The following ATAD2 variants were observed in gnomAD, a reference collection of about 807,000 sequenced individuals.
The protein encoded by ATAD2 is ATPase family AAA domain-containing protein 2.
In ATAD2, 62 loss-of-function variants were observed where a neutral mutation model predicts 168.9. The observed-to-expected ratio is 0.37, with a 90% CI of 0.30 to 0.45. The LOEUF (loss-of-function observed/expected upper bound fraction) is 0.45. ATAD2 is among the 20% of genes least tolerant of loss of function. ATAD2 has a pLI of 1.00. For synonymous variants in ATAD2, 613 were observed against 571.6 expected, an observed-to-expected ratio of 1.07 and a Z score of -1.03; for missense variants, 1,419 against 1,667.8, an observed-to-expected ratio of 0.85 and a Z score of 2.60.
chr8:123,353,452 T>G (rs1002631052), intron 13 of ATAD2, among the ~76,000 whole-genome samples: 2 of 152,196 alleles, frequency 1.3e-5, no homozygotes, highest in Non-Finnish European at 2.9e-5. Flanking sequence ...TTTTAGGTAT[T>G]TGATATATTT....
intron 13 of ATAD2, among the ~76,000 whole-genome samples, chr8:123,351,773 A>C (rs1828471110): frequency 6.9e-6 from 1 of 143,944 alleles, no homozygotes; most frequent in Non-Finnish European, 1.5e-5. Flanking sequence ...TTTGAGACGG[A>C]GTCTGGCTGT....
At chr8:123,322,115 G>C (rs989828551) in intron 27 of ATAD2, among the ~76,000 whole-genome samples, 2 of 151,532 alleles carry the variant, frequency 1.3e-5, no homozygotes, top group South Asian at 4.2e-4. Context: ...AGCCACCCGA[G>C]TAGCTAGGAC....
At chr8:123,406,846 T>C (rs1813075058) in intron 1 of ATAD2, among the ~76,000 whole-genome samples, 2 of 151,408 alleles carry the variant, frequency 1.3e-5, no homozygotes, top group Admixed American at 6.6e-5. Flanking sequence ...ATTACCACAC[T>C]GGCTTTAGCT....
At position 123,396,267 on chromosome 8, in the gene ATAD2, G is replaced by A. The variant is rs370986894; in HGVS notation, c.91C>T (p.Leu31=). 10 of 1,611,110 alleles carry A rather than the reference G, an allele frequency of 6.2e-6. No homozygotes were observed. Among genetic ancestry groups the A allele is most frequent in the Middle Eastern group, 3.4e-4 (2 of 5,936 alleles). Residue 31 remains leucine (L), a synonymous_variant, in exon 1 of 28, where the codon CTG becomes TTG. Coordinates refer to ENST00000287394, the MANE Select transcript of ATAD2 (RefSeq NM_014109.4). ...SLDLSSDFLS[L]EHIGRRRLRS... is the part of the protein sequence containing the mutation. ...AGCCGCCTCCGGCCGATGTGCTCCA[G>A]ACTGAGGAAGTCACTGGACAGGTCC...
At chr8:123,392,096 T>A (rs767439620) in intron 1 of ATAD2, among the ~76,000 whole-genome samples, 8 of 152,160 alleles carry the variant, frequency 5.3e-5, no homozygotes, top group African/African-American at 1.9e-4. Flanking sequence ...TTAGGTCTCC[T>A]CTGCTAGACT....
At chr8:123,372,867 T>TAC (rs1006884537) in intron 2 of ATAD2, among the ~76,000 whole-genome samples, 181 bp from the exon 3 acceptor site, 2 of 150,482 alleles carry the variant, frequency 1.3e-5, no homozygotes, top group African/African-American at 2.4e-5. Context: ...TAGGTAGAAC[T>TAC]ACACACCTCA....
rs1352525614 is a variant in ATAD2 at position 123,370,370 on chromosome 8, A to G, written c.728-346T>C. 3.3e-5 allele frequency among the ~76,000 whole-genome samples: 5 copies of G among 152,218 alleles called. No individual in the cohort carries two copies. In the East Asian group the frequency reaches 7.7e-4, roughly 24 times the overall value. On this transcript the variant is annotated intron_variant, in intron 6 of 27. Transcript: ENST00000287394. ...ACTAAACTTAAGCTTCCAAGTTAAC[A>G]TAACTTTTTGACAAGTTTTCAAATT... is the stretch of plus-strand genomic sequence containing the variant.
chr8:123,411,471 GC>G (rs1187954858), intron 1 of ATAD2, among the ~76,000 whole-genome samples: 2 of 152,028 alleles, frequency 1.3e-5, no homozygotes, highest in Non-Finnish European at 2.9e-5. Context: ...GATTTCCTAG[GC>G]CGACTAAGAA....
chr8:123,401,764 A>C (rs1343233253), intron 1 of ATAD2: 1 of 748,996 alleles, frequency 1.3e-6, no homozygotes, highest in Non-Finnish European at 2.5e-6. Context: ...CCCCCAGCGA[A>C]TAGTTCTCAG....
chr8:123,348,394 T>A, intron 14 of ATAD2, 121 bp from the exon 15 acceptor site: 1 of 740,140 alleles, frequency 1.4e-6, no homozygotes, highest in South Asian at 2.0e-5. Context: ...TACTTAATAC[T>A]GGCCGGGTGC....
In ATAD2 at chr8:123,378,941, G is replaced by A. The variant is rs749761437; in HGVS notation, c.320+1588C>T. 4.6e-5 allele frequency among the ~76,000 whole-genome samples: 7 copies of A among 151,748 alleles called. No homozygotes were observed. The East Asian group carries it at 5.9e-4, about 13-fold the overall frequency. ...ACAGTAGCTGGGACTACAGGTGTGC[G>A]ACACCATGCCCAGATAATTTTTTTA... is the stretch of plus-strand genomic sequence containing the variant. On this transcript the variant is annotated intron_variant, in intron 2 of 27. Coordinates refer to ENST00000287394, the MANE Select transcript of ATAD2 (RefSeq NM_014109.4).
upstream of ATAD2, among the ~76,000 whole-genome samples, chr8:123,398,668 C>T (rs1053084595): frequency 1.3e-5 from 2 of 151,968 alleles, no homozygotes; most frequent in Non-Finnish European, 2.9e-5. Flanking sequence ...TGTGCCATCA[C>T]ACCTGGCTAA....
At position 123,328,312 on chromosome 8, in the gene ATAD2, T is replaced by C. The variant is rs766795261; in HGVS notation, c.3746A>G (p.Glu1249Gly). ...CTTCCTAGAGTCTTCAAGCTCATTC[T>C]CTATATTACAAGTATTTGAATTATT... ...LRNNSNTCNI[E>G]NELEDSRKTT... The change falls in exon 25 of 28, where the codon GAG becomes GGG. Residue 1249 changes from glutamate (E) to glycine (G), a missense_variant. This residue lies in a region of ATAD2 where 303 missense variants were observed against 304.3 expected (regional missense o/e 1.00). Transcript: ENST00000287394. The C allele has an allele frequency of 6.2e-6, 10 of 1,606,570 alleles. No individual in the cohort carries two copies. The highest frequency in any genetic ancestry group is 7.6e-6 in the Non-Finnish European group (9 of 1,177,482).
At chr8:123,328,864 G>A (rs1827689232) in intron 24 of ATAD2, among the ~76,000 whole-genome samples, 1 of 146,038 alleles carries the variant, frequency 6.8e-6, no homozygotes, top group African/African-American at 2.5e-5. Flanking sequence ...GCAGTGGTGC[G>A]ATCTCGGCTC....
intron 1 of ATAD2, 139 bp from the exon 2 acceptor site, chr8:123,380,816 T>C: frequency 1.4e-6 from 1 of 736,464 alleles, no homozygotes. Flanking sequence ...CCCAAGAAAC[T>C]ACAAGTTAGT....
chr8:123,378,211 T>C (rs981389661), intron 2 of ATAD2, among the ~76,000 whole-genome samples: 9 of 152,196 alleles, frequency 5.9e-5, no homozygotes, highest in Admixed American at 5.9e-4. Context: ...TCTTTTTTAG[T>C]GTCCCATAAA....
chr8:123,333,278 C>T (rs1407910547), intron 24 of ATAD2, among the ~76,000 whole-genome samples: 3 of 133,666 alleles, frequency 2.2e-5, no homozygotes, highest in Admixed American at 8.1e-5. Flanking sequence ...GGCATAGTGG[C>T]GGGTGCCTAT....
Position 123,357,674 on chromosome 8 carries a change from T to C in ATAD2, c.1445A>G (p.Asn482Ser), listed in dbSNP as rs769454457. Reference sequence around the variant, plus strand: ...TCTTTTATCCCCTTGACTGCACTCATTGGCAAGTGCTCTGGCAACCAGAGT... The same window carrying C: ...TCTTTTATCCCCTTGACTGCACTCACTGGCAAGTGCTCTGGCAACCAGAGT... The part of the protein sequence containing the change: ...GKTLVARALA[N>S]ECSQGDKRVA... The change falls in exon 12 of 28, where the codon AAT (asparagine) becomes AGT (serine). Residue 482 changes from asparagine to serine, a missense_variant. Coordinates refer to ENST00000287394, the MANE Select transcript of ATAD2 (RefSeq NM_014109.4). 42 of 1,613,754 alleles carry C rather than the reference T, an allele frequency of 2.6e-5. No individual in the cohort carries two copies. Among genetic ancestry groups the C allele is most frequent in the Middle Eastern group, 3.3e-4 (2 of 6,080 alleles).
chr8:123,369,253 C>T (rs1027763713), intron 7 of ATAD2, 78 bp from the exon 8 acceptor site: 30 of 510,760 alleles, frequency 5.9e-5, no homozygotes, highest in African/African-American at 5.2e-4. Flanking sequence ...GATAATTTTG[C>T]TCTTCATCTA....
Sources: allele counts gnomAD v4.1 joint callset (sites outside exome capture counted in the v4.1 genomes callset), GRCh38; gene constraint gnomAD v4.1.1; regional missense constraint gnomAD v4.1.1; transcripts MANE v1.5; gene names NCBI Gene and HGNC (gene_info 2026-07-23, HGNC 2026-07-21).